Variants in PRKN observed in about 807,000 individuals in gnomAD.
PRKN encodes parkin RBR E3 ubiquitin protein ligase.
A neutral mutation model predicts 59.5 loss-of-function variants in PRKN; 56 were observed. The observed-to-expected ratio is 0.94, with a 90% CI of 0.76 to 1.18. The LOEUF is 1.18. Among genes scored for constraint, PRKN ranks in the 50% most tolerant of loss-of-function variants. PRKN has a pLI of 0.00. For synonymous variants in PRKN, 250 were observed against 222.1 expected (o/e 1.13, Z -1.12); for missense variants, 657 against 596.4 (o/e 1.10, Z -1.06).
At chr6:161,972,001 C>T (rs1408969908) in intron 6 of PRKN, among the ~76,000 whole-genome samples, 2 of 152,234 alleles carry the variant, frequency 1.3e-5, no homozygotes, top group African/African-American at 2.4e-5. Context: ...GGGCTGGGTG[C>T]GGCAGCTCAC....
intron 7 of PRKN, among the ~76,000 whole-genome samples, chr6:161,622,227 A>G (rs13195756): frequency 0.27 from 40,806 of 151,996 alleles, 5,995 homozygotes; most frequent in East Asian, 0.55. Context: ...TCTGGCTGCT[A>G]ACTTCTTTGA....
Position 161,360,248 on chromosome 6 carries a change from T to C in PRKN, c.1168-43A>G, listed in dbSNP as rs1784924106. 1 of 1,432,740 alleles carries C rather than the reference T, an allele frequency of 7.0e-7. No homozygotes were observed. The highest frequency in any genetic ancestry group is 9.9e-7 in the Non-Finnish European group (1 of 1,013,978). 88.8% of individuals were successfully genotyped at this position (1,432,740 alleles called of 1,614,324 possible). A position where few individuals can be genotyped will look rare whatever the true frequency, so the allele number is the denominator to read the frequency against. ...AAAGGCGTTTAATCTCAGCTTTCTATTACTGGGATCAGAGTTTATGTTCCC... is the reference window on the plus strand; with the variant it reads ...AAAGGCGTTTAATCTCAGCTTTCTACTACTGGGATCAGAGTTTATGTTCCC... On this transcript the variant is annotated intron_variant, in intron 10 of 11. Coordinates refer to ENST00000366898, the MANE Select transcript of PRKN (RefSeq NM_004562.3). This position sits in a 1 kb window ranked among gnomAD's most constrained non-coding sequence, Gnocchi z 5.1.
At chr6:162,544,613 A>G (rs993066110) in intron 1 of PRKN, among the ~76,000 whole-genome samples, 3 of 151,764 alleles carry the variant, frequency 2.0e-5, no homozygotes, top group African/African-American at 7.3e-5. Context: ...ATGTATGCAC[A>G]GAATGTTCTC....
Position 161,360,323 on chromosome 6 carries a change from A to G in PRKN, c.1168-118T>C. On this transcript the variant is annotated intron_variant, in intron 10 of 11. Transcript: ENST00000366898. The surrounding 1 kb of genome is among the most constrained non-coding windows in gnomAD (Gnocchi z 5.1). ...GAAGACAGGAGTGCCTTCGGGCAAG[A>G]AGCCTAAATATCAATGCACTTGACA... The G allele has an allele frequency of 1.2e-6, 1 of 811,346 alleles. No individual in the cohort carries two copies. Among genetic ancestry groups the G allele is most frequent in the Middle Eastern group, 2.2e-4 (1 of 4,482 alleles). The allele number at this position is 811,346 out of a possible 1,614,324, so 50.3% of individuals were successfully genotyped here.
rs57908717 is a variant in PRKN at position 161,550,738 on chromosome 6, CGTGTGTGTGT to C, written c.934-1745_934-1736del. ...AAGAAAGGGTATGTGTGTGTGTGCA[CGTGTGTGTGT>C]GTGTGTGTGTGTGTAGGGAGTTGAG... On this transcript the variant is annotated intron_variant, in intron 8 of 11. Transcript: ENST00000366898. The surrounding 1 kb of genome is among the most constrained non-coding windows in gnomAD (Gnocchi z 4.0). Among the ~76,000 whole-genome samples the C allele has an allele frequency of 3.4e-5, 5 of 146,192 alleles. No individual in the cohort carries two copies. The highest frequency in any genetic ancestry group is 2.0e-4 in the East Asian group (1 of 4,998).
intron 3 of PRKN, among the ~76,000 whole-genome samples, chr6:162,223,913 T>C (rs1778049525): frequency 1.3e-5 from 2 of 152,104 alleles, no homozygotes; most frequent in African/African-American, 4.8e-5. Context: ...ATTATTCCAA[T>C]GTATCCCTTT....
rs891175143 is a variant in PRKN at position 161,365,963 on chromosome 6, T to C, written c.1168-5758A>G. Among the ~76,000 whole-genome samples the C allele has an allele frequency of 5.9e-5, 9 of 152,226 alleles. No homozygotes were observed. In the East Asian group the frequency reaches 1.7e-3, roughly 29 times the overall value. On this transcript the variant is annotated intron_variant, in intron 10 of 11. Transcript: ENST00000366898. ...GAGAGCAGCAATTTCTGTTTTCACC[T>C]GCAAGGATATGTACCCTTATCATTT... is the stretch of plus-strand genomic sequence containing the variant.
chr6:162,075,078 A>G (rs1778762866), intron 4 of PRKN, among the ~76,000 whole-genome samples: 1 of 152,198 alleles, frequency 6.6e-6, no homozygotes. Context: ...TTCCTTTACT[A>G]AAAATAGTCT....
intron 1 of PRKN, among the ~76,000 whole-genome samples, chr6:162,701,736 G>A (rs1778159174): frequency 6.6e-6 from 1 of 151,228 alleles, no homozygotes; most frequent in South Asian, 2.1e-4. Context: ...CATTCAACAT[G>A]TCAATTATGT....
At chr6:161,837,657 A>G (rs1263337453) in intron 6 of PRKN, among the ~76,000 whole-genome samples, 1 of 151,982 alleles carries the variant, frequency 6.6e-6, no homozygotes, top group Non-Finnish European at 1.5e-5. Context: ...GCGAATGTTT[A>G]TATGTTCCAG....
At chr6:162,143,483 T>TGGTC (rs1391746955) in intron 4 of PRKN, among the ~76,000 whole-genome samples, 1 of 152,148 alleles carries the variant, frequency 6.6e-6, no homozygotes, top group East Asian at 1.9e-4. Context: ...GGCTTTAGAC[T>TGGTC]ACCTATGACC....
intron 7 of PRKN, among the ~76,000 whole-genome samples, chr6:161,765,452 C>T (rs1175343807): frequency 4.6e-5 from 7 of 151,990 alleles, no homozygotes; most frequent in Admixed American, 3.9e-4. Flanking sequence ...ACAGCCTAGA[C>T]GTTTGCTTTG....
chr6:161,442,299 C>T lies in PRKN; in HGVS notation c.1084-55422G>A, dbSNP rs73785903. 4.8e-3 allele frequency among the ~76,000 whole-genome samples: 730 copies of T among 152,174 alleles called. 9 individuals carry two copies. The highest frequency in any genetic ancestry group is 0.017 in the African/African-American group (695 of 41,508). On this transcript the variant is annotated intron_variant, in intron 9 of 11. Coordinates refer to ENST00000366898, the MANE Select transcript of PRKN (RefSeq NM_004562.3). This position sits in a 1 kb window ranked among gnomAD's most constrained non-coding sequence, Gnocchi z 4.6. ...CATTGAAGGGGCTTTCCACCTCCTA[C>T]GATAAGTAAAAACATAAAATGATTA...
chr6:162,071,659 C>A (rs527682053), intron 4 of PRKN, among the ~76,000 whole-genome samples: 1 of 150,478 alleles, frequency 6.6e-6, no homozygotes, highest in African/African-American at 2.4e-5. Context: ...TGCAGTACTG[C>A]GATCCTGGCA....
In PRKN at chr6:162,011,406, A is replaced by G. The variant is rs1488782630; in HGVS notation, c.619-37989T>C. On this transcript the variant is annotated intron_variant, in intron 5 of 11. Transcript: ENST00000366898. ...TATTTATAATATATATTATAAATAT[A>G]TAATATATTATATTTTATAATATAT... Among the ~76,000 whole-genome samples the G allele has an allele frequency of 2.6e-4, 4 of 15,512 alleles. 1 individual carries two copies. The highest frequency in any genetic ancestry group is 2.9e-4 in the Non-Finnish European group (3 of 10,202). The allele number at this position is 15,512 out of a possible 152,430, so 10.2% of individuals were successfully genotyped here.
intron 5 of PRKN, among the ~76,000 whole-genome samples, chr6:161,977,063 G>A (rs1781060443): frequency 6.6e-6 from 1 of 152,184 alleles, no homozygotes; most frequent in East Asian, 1.9e-4. Flanking sequence ...TGCCTCAACA[G>A]TAAATTTCAG....
intron 7 of PRKN, among the ~76,000 whole-genome samples, chr6:161,585,223 A>G (rs1781478594): frequency 6.6e-6 from 1 of 152,212 alleles, no homozygotes; most frequent in African/African-American, 2.4e-5. Context: ...GCTCAGAGAA[A>G]ACACAATCTA....
chr6:161,363,422 A>G lies in PRKN; in HGVS notation c.1168-3217T>C, dbSNP rs1238963980. The stretch of plus-strand genomic sequence containing the variant: ...CACTAATAATTAAAATTAGAAACTC[A>G]GTTGATGAGTTACATAACAAATTAG... On this transcript the variant is annotated intron_variant, in intron 10 of 11. Transcript: ENST00000366898. The surrounding 1 kb of genome is among the most constrained non-coding windows in gnomAD (Gnocchi z 4.1). 6.6e-6 allele frequency among the ~76,000 whole-genome samples: 1 copy of G among 152,246 alleles called. No individual in the cohort carries two copies. Among genetic ancestry groups the G allele is most frequent in the East Asian group, 1.9e-4 (1 of 5,204 alleles).
At chr6:162,528,009 A>AGTTGT (rs1187626289) in intron 1 of PRKN, among the ~76,000 whole-genome samples, 2 of 122,542 alleles carry the variant, frequency 1.6e-5, no homozygotes, top group Non-Finnish European at 3.2e-5. Flanking sequence ...ATATTTACTC[A>AGTTGT]GGGCCAGGTG....
Sources: allele counts gnomAD v4.1 joint callset (sites outside exome capture counted in the v4.1 genomes callset), GRCh38; gene constraint gnomAD v4.1.1; non-coding constraint Gnocchi (gnomAD v3.1); transcripts MANE v1.5; gene names NCBI Gene and HGNC (gene_info 2026-07-23, HGNC 2026-07-21).